Variants in CHRNA7 observed in about 807,000 individuals in gnomAD.
CHRNA7 encodes neuronal acetylcholine receptor subunit alpha-7.
In CHRNA7, 17 loss-of-function variants were observed where a neutral mutation model predicts 48.0. The observed-to-expected ratio is 0.35, with a 90% CI of 0.24 to 0.53. CHRNA7 has a LOEUF of 0.53. Ranked by LOEUF, CHRNA7 falls within the 20% of genes least tolerant of loss-of-function variation. The pLI is 0.92. For missense variants in CHRNA7, 155 were observed against 577.7 expected (o/e 0.27, Z 7.50); for synonymous variants, 75 against 242.3 (o/e 0.31, Z 6.41).
At chr15:32,152,748 G>C (rs999058862) in intron 4 of CHRNA7, among the ~76,000 whole-genome samples, 15 of 152,178 alleles carry the variant, frequency 9.9e-5, no homozygotes, top group African/African-American at 3.6e-4. Flanking sequence ...GGGGGTATGG[G>C]TTCTGGATTG....
At chr15:32,112,136 C>A (rs1015084885) in intron 4 of CHRNA7, 16 of 622,934 alleles carry the variant, frequency 2.6e-5, no homozygotes, top group Non-Finnish European at 5.9e-6. Context: ...ACTTAAGACG[C>A]CCATGAAGTT....
intron 3 of CHRNA7, among the ~76,000 whole-genome samples, chr15:32,110,930 G>A (rs1487855043): frequency 6.6e-6 from 1 of 152,176 alleles, no homozygotes; most frequent in Admixed American, 6.5e-5. Context: ...CAGGGGGACA[G>A]AATACAGGAT....
chr15:32,031,400 C>A (rs75831111), intron 2 of CHRNA7, among the ~76,000 whole-genome samples: 2,054 of 152,332 alleles, frequency 0.013, 19 homozygotes, highest in Admixed American at 0.024. Context: ...TAAGTGTTGA[C>A]TTGCATTCCA....
intron 4 of CHRNA7, among the ~76,000 whole-genome samples, chr15:32,113,399 G>A (rs2050795559): frequency 6.6e-6 from 1 of 152,136 alleles, no homozygotes; most frequent in South Asian, 2.1e-4. Flanking sequence ...GAGGCACCAG[G>A]TATTAGGATT....
intron 2 of CHRNA7, among the ~76,000 whole-genome samples, chr15:32,068,976 A>G (rs542479115): frequency 2.0e-5 from 3 of 152,336 alleles, no homozygotes; most frequent in South Asian, 4.1e-4. Flanking sequence ...TAAATGGAAG[A>G]CTTGAATGGC....
chr15:32,121,157 T>C (rs1366970877), intron 4 of CHRNA7, among the ~76,000 whole-genome samples: 1 of 152,168 alleles, frequency 6.6e-6, no homozygotes, highest in Non-Finnish European at 1.5e-5. Context: ...ATGTGCCCCA[T>C]TGCTTGTATC....
intron 2 of CHRNA7, among the ~76,000 whole-genome samples, chr15:32,077,998 A>G (rs572238833): frequency 3.6e-4 from 55 of 152,256 alleles, no homozygotes; most frequent in South Asian, 2.3e-3. Flanking sequence ...TTGGGGATCA[A>G]TTTTCCATAT....
intron 4 of CHRNA7, among the ~76,000 whole-genome samples, chr15:32,141,852 CAT>C (rs2051385254): frequency 2.0e-5 from 3 of 147,398 alleles, no homozygotes; most frequent in African/African-American, 7.5e-5. Context: ...AATATACAAT[CAT>C]GTCGTCTGCA....
chr15:32,112,781 C>T (rs1165170578), intron 4 of CHRNA7, among the ~76,000 whole-genome samples: 1 of 152,194 alleles, frequency 6.6e-6, no homozygotes, highest in African/African-American at 2.4e-5. Flanking sequence ...ATGTGTTGTC[C>T]TACATGGCTA....
chr15:32,091,701 T>A (rs2050384900), intron 2 of CHRNA7, among the ~76,000 whole-genome samples: 1 of 152,176 alleles, frequency 6.6e-6, no homozygotes. Context: ...TTTTCTATAG[T>A]CCCACTTAGG....
intron 4 of CHRNA7, among the ~76,000 whole-genome samples, chr15:32,131,357 A>AT (rs926665655): frequency 6.6e-5 from 10 of 150,710 alleles, no homozygotes; most frequent in East Asian, 1.9e-4. Context: ...GGCTGTGTCG[A>AT]TTTTTTTTCT....
rs2051006902 is a variant in CHRNA7, at chr15:32,123,352, C to G, written c.350+11453C>G. ...AATATTTGAATAGCTATCAGAGTAA[C>G]AGAAATAGTGTCATAACTTCCAGAC... On this transcript the variant is annotated intron_variant, in intron 4 of 9. Transcript: ENST00000306901. Among the ~76,000 whole-genome samples, 3 of 148,810 alleles carry G rather than the reference C, an allele frequency of 2.0e-5. No individual in the cohort carries two copies. The South Asian group carries it at 6.6e-4, about 33-fold the overall frequency.
intron 1 of CHRNA7, 96 bp from the exon 2 acceptor site, chr15:32,030,802 G>T: frequency 6.6e-7 from 1 of 1,524,154 alleles, no homozygotes. Context: ...TGTCTGGGCT[G>T]CACCGGGTGG....
At chr15:32,151,262 C>T (rs1340284015) in intron 4 of CHRNA7, among the ~76,000 whole-genome samples, 7 of 152,064 alleles carry the variant, frequency 4.6e-5, no homozygotes, top group South Asian at 2.1e-4. Flanking sequence ...AGTACTTTAA[C>T]ATCTTGCTGG....
chr15:32,073,531 A>G (rs2050090293), intron 2 of CHRNA7, among the ~76,000 whole-genome samples: 1 of 152,206 alleles, frequency 6.6e-6, no homozygotes, highest in Admixed American at 6.5e-5. Flanking sequence ...GAGAAGGACA[A>G]GAGATTTAGG....
intron 4 of CHRNA7, among the ~76,000 whole-genome samples, chr15:32,120,870 AC>A (rs1324029618): frequency 2.0e-5 from 3 of 152,212 alleles, no homozygotes; most frequent in African/African-American, 7.2e-5. Flanking sequence ...TGTGATAAAT[AC>A]ATGAGACAGG....
chr15:32,120,417 G>GTTTTC (rs61075775), intron 4 of CHRNA7, among the ~76,000 whole-genome samples: 1,625 of 151,884 alleles, frequency 0.011, 16 homozygotes, highest in African/African-American at 0.029. Context: ...CTGCTGTGGG[G>GTTTTC]TTTTCTTTTC....
In CHRNA7 at chr15:32,140,568, C is replaced by T. The variant is rs1261572889; in HGVS notation, c.351-13339C>T. Among the ~76,000 whole-genome samples the T allele has an allele frequency of 3.3e-5, 5 of 152,178 alleles. No homozygotes were observed. The South Asian group carries it at 6.2e-4, about 19-fold the overall frequency. On this transcript the variant is annotated intron_variant, in intron 4 of 9. Coordinates refer to ENST00000306901, the MANE Select transcript of CHRNA7 (RefSeq NM_000746.6). ...TAAAAGCATTCCTATTTCTCCACAT[C>T]CTCTCTAGCATCTGTTGTTTCCTGA...
chr15:32,147,361 G>A (rs555667729), intron 4 of CHRNA7, among the ~76,000 whole-genome samples: 1 of 152,274 alleles, frequency 6.6e-6, no homozygotes, highest in South Asian at 2.1e-4. Flanking sequence ...ATATACCCAT[G>A]TGACAAACAT....
Sources: allele counts gnomAD v4.1 joint callset (sites outside exome capture counted in the v4.1 genomes callset), GRCh38; gene constraint gnomAD v4.1.1; transcripts MANE v1.5; gene names NCBI Gene and HGNC (gene_info 2026-07-23, HGNC 2026-07-21).